Variants in LAMA1 observed in about 807,000 individuals in gnomAD.
LAMA1 encodes the protein laminin subunit alpha 1.
LAMA1 carries 219 observed loss-of-function variants against 348.7 expected under a neutral mutation model. That is an observed-to-expected ratio of 0.63 (90% confidence interval 0.56 to 0.70). LAMA1 has a LOEUF of 0.70. Ranked by LOEUF, LAMA1 falls within the 30% of genes least tolerant of loss-of-function variation. The pLI, the probability that LAMA1 is intolerant of heterozygous loss-of-function variation, is 0.00. For synonymous variants in LAMA1, 1,487 were observed against 1,491.0 expected (o/e 1.00, Z 0.06); for missense variants, 3,744 against 3,888.0 (o/e 0.96, Z 0.99).
chr18:7,050,871 C>G lies in LAMA1; in HGVS notation c.411G>C (p.Leu137Phe). Residue 137 changes from leucine to phenylalanine, a missense_variant, in exon 4 of 63, where the codon TTG becomes TTC. This residue lies in a region of LAMA1 where 1,529 missense variants were observed against 1,689.4 expected (regional missense o/e 0.91). Coordinates refer to ENST00000389658, the MANE Select transcript of LAMA1 (RefSeq NM_005559.4). ...ACGTGGTGCCATCCAGAGAACGCTCCAAAATCCAGTTTCCAGGTCGAGGGG... is the reference window on the plus strand; with the variant it reads ...ACGTGGTGCCATCCAGAGAACGCTCGAAAATCCAGTTTCCAGGTCGAGGGG... ...ANAPRPGNWI[L>F]ERSLDGTTFS... The G allele has an allele frequency of 6.2e-7, 1 of 1,614,194 alleles. No homozygotes were observed. Among genetic ancestry groups the G allele is most frequent in the Non-Finnish European group, 8.5e-7 (1 of 1,180,044 alleles).
intron 28 of LAMA1, among the ~76,000 whole-genome samples, chr18:7,008,163 G>T (rs760659760): frequency 6.6e-6 from 1 of 151,958 alleles, no homozygotes; most frequent in African/African-American, 2.4e-5. Flanking sequence ...GTGGTTTTGG[G>T]GCACTGGGGA....
intron 33 of LAMA1, 43 bp downstream of exon 33, chr18:6,997,699 A>C: frequency 6.3e-7 from 1 of 1,595,636 alleles, no homozygotes; most frequent in Non-Finnish European, 8.6e-7. Context: ...TATATCCCTT[A>C]ATGATACAAG....
intron 36 of LAMA1, among the ~76,000 whole-genome samples, chr18:6,991,433 C>T (rs925029900): frequency 3.7e-4 from 54 of 144,906 alleles, no homozygotes; most frequent in African/African-American, 1.3e-3. Context: ...CTCTGTCGCC[C>T]AGGCTGGAGT....
At chr18:7,072,242 G>A (rs983166708) in intron 3 of LAMA1, among the ~76,000 whole-genome samples, 8 of 152,114 alleles carry the variant, frequency 5.3e-5, no homozygotes, top group Admixed American at 2.6e-4. Flanking sequence ...ATTTCCCTTG[G>A]TGATATCTGA....
chr18:6,986,038 G>A (rs181266148), intron 37 of LAMA1, 99 bp downstream of exon 37: 36 of 1,359,648 alleles, frequency 2.6e-5, no homozygotes, highest in East Asian at 1.6e-4. Context: ...GATTACAAGC[G>A]TGAGCCACCC....
intron 1 of LAMA1, among the ~76,000 whole-genome samples, chr18:7,115,821 A>C (rs1040251836): frequency 6.7e-5 from 10 of 149,082 alleles, no homozygotes; most frequent in East Asian, 2.0e-4. Flanking sequence ...ATACAAAAAA[A>C]AAAAAAAAAA....
intron 1 of LAMA1, among the ~76,000 whole-genome samples, chr18:7,113,124 G>T (rs1196155815): frequency 1.3e-5 from 2 of 152,188 alleles, no homozygotes; most frequent in East Asian, 3.9e-4. Flanking sequence ...CCCCATGACA[G>T]GCAAGACAAT....
At chr18:7,097,020 T>TCAGAG (rs1476126748) in intron 1 of LAMA1, among the ~76,000 whole-genome samples, 1 of 151,930 alleles carries the variant, frequency 6.6e-6, no homozygotes, top group East Asian at 1.9e-4. Flanking sequence ...CTGGCTTGAT[T>TCAGAG]CAGAGCAGAG....
intron 25 of LAMA1, 141 bp from the exon 26 acceptor site, chr18:7,010,526 C>T: frequency 1.2e-6 from 1 of 818,922 alleles, no homozygotes; most frequent in South Asian, 1.5e-5. Flanking sequence ...CTGGAATTTG[C>T]TTCCTTCTAA....
intron 39 of LAMA1, 138 bp downstream of exon 39, chr18:6,985,099 A>C (rs575973706): frequency 1.9e-5 from 20 of 1,027,796 alleles, no homozygotes; most frequent in Middle Eastern, 5.2e-4. Context: ...AGGAAATCCA[A>C]CTTGCCAGGT....
At chr18:7,026,164 T>C in intron 16 of LAMA1, 58 bp from the exon 17 acceptor site, 1 of 1,585,626 alleles carries the variant, frequency 6.3e-7, no homozygotes, top group Non-Finnish European at 8.6e-7. Flanking sequence ...TTCAGATTTA[T>C]CTATAAGCAA....
Position 7,023,204 on chromosome 18 carries a change from G to A in LAMA1, c.2661C>T (p.Asp887=), listed in dbSNP as rs746980743. The A allele has an allele frequency of 1.1e-5, 17 of 1,613,312 alleles. No homozygotes were observed. The highest frequency in any genetic ancestry group is 2.2e-5 in the East Asian group (1 of 44,866). ...TDGAHCERCA[D]GFYGDAVTAK... ...CTGTCACAGCGTCCCCATAGAACCC[G>A]TCAGCACACCTTTCACAGTGGGCGC... The change falls in exon 19 of 63, where the codon GAC becomes GAT. Residue 887 remains aspartate, a synonymous_variant. Coordinates refer to ENST00000389658, the MANE Select transcript of LAMA1 (RefSeq NM_005559.4).
intron 1 of LAMA1, among the ~76,000 whole-genome samples, chr18:7,114,444 TA>T (rs1333229331): frequency 6.6e-6 from 1 of 152,180 alleles, no homozygotes; most frequent in Non-Finnish European, 1.5e-5. Context: ...TCTAAACAAT[TA>T]TGCATTTTGG....
At chr18:7,092,927 C>T (rs899042630) in intron 1 of LAMA1, among the ~76,000 whole-genome samples, 3 of 152,152 alleles carry the variant, frequency 2.0e-5, no homozygotes, top group Admixed American at 6.6e-5. Context: ...GCAGCACATG[C>T]TCATTCACCG....
At chr18:7,106,470 C>T (rs2058312191) in intron 1 of LAMA1, among the ~76,000 whole-genome samples, 1 of 151,886 alleles carries the variant, frequency 6.6e-6, no homozygotes, top group African/African-American at 2.4e-5. Flanking sequence ...AGTGATTCTC[C>T]TGCCTCAGCC....
intron 1 of LAMA1, among the ~76,000 whole-genome samples, chr18:7,093,370 C>T (rs1321559286): frequency 1.3e-5 from 2 of 151,944 alleles, no homozygotes; most frequent in African/African-American, 2.4e-5. Flanking sequence ...GATCCAAGAT[C>T]GCGCCACTGC....
Position 6,949,247 on chromosome 18 carries a change from A to G in LAMA1, c.8410T>C (p.Tyr2804His). The G allele has an allele frequency of 1.2e-6, 2 of 1,614,222 alleles. No homozygotes were observed. The highest frequency in any genetic ancestry group is 1.7e-6 in the Non-Finnish European group (2 of 1,180,032). The change falls in exon 59 of 63, where the codon TAT (tyrosine) becomes CAT (histidine). Residue 2804 changes from tyrosine (Y) to histidine (H), a missense_variant. Tyr to His is a moderately conservative substitution (Grantham distance 83). Coordinates refer to ENST00000389658, the MANE Select transcript of LAMA1 (RefSeq NM_005559.4). ...GTTATGAAGCCTTTTCTTTTAACAT[A>G]GTCTGTCTTGACCTACAGCAAAGTG... ...DGKWHTVKTD[Y>H]VKRKGFITVD...
chr18:7,058,094 G>A (rs996830594), intron 3 of LAMA1, among the ~76,000 whole-genome samples: 10 of 151,972 alleles, frequency 6.6e-5, no homozygotes, highest in Non-Finnish European at 1.0e-4. Context: ...GAGCCTCCGC[G>A]CCTGGCCCAG....
intron 16 of LAMA1, among the ~76,000 whole-genome samples, chr18:7,029,841 G>A (rs1298434916): frequency 6.6e-6 from 1 of 152,036 alleles, no homozygotes; most frequent in Non-Finnish European, 1.5e-5. Flanking sequence ...GGGGCTCTAA[G>A]AGCAACTGGA....
Sources: gnomAD v4.1 joint callset for allele counts (sites outside exome capture counted in the v4.1 genomes callset) on GRCh38, gnomAD v4.1.1 for gene constraint, gnomAD v4.1.1 regional missense constraint, MANE v1.5 for transcripts, NCBI Gene and HGNC (gene_info 2026-07-23, HGNC 2026-07-21) for gene names.